PCDHAC2: variants seen among roughly 807,000 people sequenced by gnomAD.
PCDHAC2 encodes protocadherin alpha-C2.
In PCDHAC2, 24 loss-of-function variants were observed where a neutral mutation model predicts 63.3. That is an observed-to-expected ratio of 0.38 (90% CI 0.27 to 0.53). The LOEUF (loss-of-function observed/expected upper bound fraction) is 0.53. Ranked by LOEUF, PCDHAC2 falls within the 20% of genes least tolerant of loss-of-function variation. The pLI is 0.81. For synonymous variants in PCDHAC2, 569 were observed against 529.4 expected, an observed-to-expected ratio of 1.07 and a Z score of -1.03; for missense variants, 1,181 against 1,275.2, an observed-to-expected ratio of 0.93 and a Z score of 1.12.
At chr5:140,970,252 T>A (rs2096392828) in intron 1 of PCDHAC2, among the ~76,000 whole-genome samples, 1 of 152,234 alleles carries the variant, frequency 6.6e-6, no homozygotes, top group Non-Finnish European at 1.5e-5. Context: ...GTTGACAGTT[T>A]CTATGGTTTT....
At chr5:140,988,489 C>G (rs1197670303) in intron 3 of PCDHAC2, among the ~76,000 whole-genome samples, 4 of 152,134 alleles carry the variant, frequency 2.6e-5, no homozygotes, top group Non-Finnish European at 5.9e-5. Flanking sequence ...CATCCCCTAC[C>G]TAGGAGAAGC....
At chr5:140,975,053 A>C (rs2096651589) in intron 1 of PCDHAC2, among the ~76,000 whole-genome samples, 1 of 152,144 alleles carries the variant, frequency 6.6e-6, no homozygotes, top group Admixed American at 6.5e-5. Flanking sequence ...GGAAGAATCT[A>C]CTATCGAGCT....
intron 1 of PCDHAC2, among the ~76,000 whole-genome samples, chr5:140,973,993 G>T (rs1554235720): frequency 6.6e-6 from 1 of 152,122 alleles, no homozygotes. Flanking sequence ...ACTTCACCTG[G>T]ATCAATGTTT....
intron 1 of PCDHAC2, among the ~76,000 whole-genome samples, chr5:140,973,960 T>C (rs2096609185): frequency 6.6e-6 from 1 of 152,248 alleles, no homozygotes; most frequent in African/African-American, 2.4e-5. Flanking sequence ...TTTACAGGTG[T>C]CTTTAAATGT....
chr5:140,992,807 C>T (rs781970284), intron 3 of PCDHAC2, among the ~76,000 whole-genome samples: 2 of 152,226 alleles, frequency 1.3e-5, no homozygotes, highest in African/African-American at 4.8e-5. Flanking sequence ...CCATATGTAT[C>T]TAAGGATGTG....
chr5:140,979,573 G>T lies in PCDHAC2; in HGVS notation c.2624+566G>T, dbSNP rs558232107. Among the ~76,000 whole-genome samples, 224 of 152,236 alleles carry T rather than the reference G, an allele frequency of 1.5e-3. 1 individual carries two copies. Among genetic ancestry groups the T allele is most frequent in the African/African-American group, 5.2e-3 (215 of 41,538 alleles). On this transcript the variant is annotated intron_variant, in intron 2 of 3. Transcript: ENST00000289269. ...CTTCAGAAGATGAGCCATGTAAAGG[G>T]CTCCAAATCTAGCTTACTTTAAATT...
intron 3 of PCDHAC2, among the ~76,000 whole-genome samples, chr5:140,993,652 T>C (rs1174007185): frequency 6.6e-6 from 1 of 152,172 alleles, no homozygotes; most frequent in Admixed American, 6.5e-5. Flanking sequence ...AATGACACTT[T>C]GGTTAACAAT....
At chr5:141,007,839 A>C (rs782046722) in intron 3 of PCDHAC2, among the ~76,000 whole-genome samples, 2 of 152,226 alleles carry the variant, frequency 1.3e-5, no homozygotes, top group Non-Finnish European at 2.9e-5. Context: ...TACCCATTAG[A>C]GACTCAAAGT....
At chr5:141,005,574 T>C (rs567844252) in intron 3 of PCDHAC2, among the ~76,000 whole-genome samples, 58 of 150,842 alleles carry the variant, frequency 3.8e-4, no homozygotes, top group Non-Finnish European at 7.5e-4. Flanking sequence ...TGGTGGCGCG[T>C]GCCTGTAGTC....
chr5:141,010,233 G>C lies in PCDHAC2; in HGVS notation c.*296G>C, dbSNP rs1156230400. ...AAGGAGAGGCTTCCCAGCCCCGCCA[G>C]TGAGAGGTTGGACTCTCTGCCCTGT... On this transcript the variant is annotated 3_prime_UTR_variant, in exon 4 of 4. Transcript: ENST00000289269. 1.9e-6 allele frequency: 3 copies of C among 1,551,812 alleles called. No homozygotes were observed. The highest frequency in any genetic ancestry group is 2.6e-6 in the Non-Finnish European group (3 of 1,147,042).
At position 140,971,106 on chromosome 5, in the gene PCDHAC2, G is replaced by T. The variant is rs529915701; in HGVS notation, c.2565+1775G>T. Among the ~76,000 whole-genome samples, 46 of 152,304 alleles carry T rather than the reference G, an allele frequency of 3.0e-4. No homozygotes were observed. In the South Asian group the frequency reaches 4.1e-3, roughly 14 times the overall value. ...AACAAATTCTTGTGAAGCCCTTTGG[G>T]ATTGGGGTGGGCTACAGGTGGTGAA... is the stretch of plus-strand genomic sequence containing the variant. On this transcript the variant is annotated intron_variant, in intron 1 of 3. Transcript: ENST00000289269.
intron 3 of PCDHAC2, among the ~76,000 whole-genome samples, chr5:140,983,123 G>A (rs781811003): frequency 2.0e-5 from 3 of 152,198 alleles, no homozygotes; most frequent in Non-Finnish European, 4.4e-5. Flanking sequence ...ACAACATTCT[G>A]CAGACTGACT....
At chr5:140,997,476 A>G (rs782742177) in intron 3 of PCDHAC2, among the ~76,000 whole-genome samples, 1 of 152,196 alleles carries the variant, frequency 6.6e-6, no homozygotes, top group Admixed American at 6.5e-5. Flanking sequence ...TTTTTACACA[A>G]TGATAAGTAT....
At chr5:141,006,073 T>G (rs2098254106) in intron 3 of PCDHAC2, among the ~76,000 whole-genome samples, 1 of 151,712 alleles carries the variant, frequency 6.6e-6, no homozygotes, top group Non-Finnish European at 1.5e-5. Context: ...AAAAATCAGA[T>G]TATTGAAGGG....
At position 140,969,365 on chromosome 5, in the gene PCDHAC2, C is replaced by T. The variant is rs190730712; in HGVS notation, c.2565+34C>T. The T allele has an allele frequency of 5.3e-5, 86 of 1,610,040 alleles. No homozygotes were observed. The African/African-American group carries it at 9.2e-4, about 17-fold the overall frequency. On this transcript the variant is annotated intron_variant, in intron 1 of 3. Transcript: ENST00000289269. ...GTGGTCAGGGGGTCTTCTACAAACT[C>T]ATGCATTTGTTACACATCCCCCAAT...
intron 3 of PCDHAC2, among the ~76,000 whole-genome samples, chr5:141,005,828 T>A (rs752447584): frequency 6.7e-6 from 1 of 149,690 alleles, no homozygotes; most frequent in African/African-American, 2.5e-5. Context: ...TGGCCTGTAG[T>A]CCCAGCCACT....
chr5:140,968,357 C>A lies in PCDHAC2; in HGVS notation c.1591C>A (p.Leu531Ile), dbSNP rs1554230636. The change falls in exon 1 of 4, where the codon CTT becomes ATT. Residue 531 changes from leucine to isoleucine, a missense_variant. Physicochemically the swap from Leu to Ile is conservative, Grantham distance 5 (BLOSUM62 2). Coordinates refer to ENST00000289269, the MANE Select transcript of PCDHAC2 (RefSeq NM_018899.6). ...CTCCATTAACAGTGCCAGTGGCAGCCTTTATGCTGTCAACTCCTTTGACTA... is the reference window on the plus strand; with the variant it reads ...CTCCATTAACAGTGCCAGTGGCAGCATTTATGCTGTCAACTCCTTTGACTA... Reference protein sequence around the residue: ...YVSINSASGSLYAVNSFDYEK... With the variant: ...YVSINSASGSIYAVNSFDYEK... 1.2e-6 allele frequency: 2 copies of A among 1,614,080 alleles called. No individual in the cohort carries two copies. Among genetic ancestry groups the A allele is most frequent in the Non-Finnish European group, 1.7e-6 (2 of 1,180,018 alleles).
chr5:140,989,722 A>C (rs1472933877), intron 3 of PCDHAC2, among the ~76,000 whole-genome samples: 1 of 152,224 alleles, frequency 6.6e-6, no homozygotes, highest in African/African-American at 2.4e-5. Context: ...TCAGCTTTGC[A>C]GTTGAAAAGG....
chr5:140,980,412 A>G (rs1264059417), intron 2 of PCDHAC2, among the ~76,000 whole-genome samples: 4 of 152,302 alleles, frequency 2.6e-5, no homozygotes, highest in Non-Finnish European at 5.9e-5. Flanking sequence ...TGGGCAGATC[A>G]TGAGGTCAAG....
Sources: gnomAD v4.1 joint callset for allele counts (sites outside exome capture counted in the v4.1 genomes callset) on GRCh38, gnomAD v4.1.1 for gene constraint, MANE v1.5 for transcripts, NCBI Gene and HGNC (gene_info 2026-07-23, HGNC 2026-07-21) for gene names.